ZNRF2: variants seen among roughly 807,000 people sequenced by gnomAD.
ZNRF2 encodes the protein zinc and ring finger 2.
Under a neutral mutation model 20.4 loss-of-function variants are expected in ZNRF2, and 16 were observed. That is an observed-to-expected ratio of 0.79 (90% CI 0.53 to 1.19). The LOEUF is 1.19. Among genes scored for constraint, ZNRF2 ranks in the 50% most tolerant of loss-of-function variants. ZNRF2 has a pLI of 0.00. For synonymous variants in ZNRF2, 178 were observed against 144.9 expected (o/e 1.23, Z -1.64); for missense variants, 363 against 332.4 (o/e 1.09, Z -0.72).
At chr7:30,328,025 G>T (rs1427439314) in intron 2 of ZNRF2, among the ~76,000 whole-genome samples, 1 of 152,180 alleles carries the variant, frequency 6.6e-6, no homozygotes, top group African/African-American at 2.4e-5. Flanking sequence ...AGTAAGTGAA[G>T]GAGAAAGGAG....
In ZNRF2 at chr7:30,285,448, G is replaced by A; in HGVS notation, c.91G>A (p.Ala31Thr). 6.0e-6 allele frequency: 7 copies of A among 1,171,384 alleles called. No individual in the cohort carries two copies. The South Asian group carries it at 8.0e-5, about 13-fold the overall frequency. 72.6% of individuals were successfully genotyped at this position (1,171,384 alleles called of 1,614,324 possible). A position where few individuals can be genotyped will look rare whatever the true frequency, so the allele number is the denominator to read the frequency against. The change falls in exon 1 of 5, where the codon GCC (alanine) becomes ACC (threonine). Residue 31 changes from alanine (A) to threonine (T), a missense_variant. Ala to Thr is a moderately conservative substitution (Grantham distance 58). Transcript: ENST00000323037. Reference sequence around the variant, plus strand: ...TCTACCTTCCAGTAGCAGCGGAGGCGCCAATGGGACCGCGGGCGGCGGCGG... The same window carrying A: ...TCTACCTTCCAGTAGCAGCGGAGGCACCAATGGGACCGCGGGCGGCGGCGG... ...SDLPSSSSGG[A>T]NGTAGGGGGA...
intron 2 of ZNRF2, among the ~76,000 whole-genome samples, chr7:30,341,275 T>C (rs978137988): frequency 6.6e-6 from 1 of 152,184 alleles, no homozygotes; most frequent in East Asian, 1.9e-4. Flanking sequence ...TGTCTTCTGC[T>C]AGCTTTTGAA....
intron 1 of ZNRF2, among the ~76,000 whole-genome samples, chr7:30,298,993 T>C (rs2391860): frequency 1.3e-5 from 2 of 152,250 alleles, no homozygotes; most frequent in South Asian, 2.1e-4. Flanking sequence ...TTTTTATAGG[T>C]GTATTCCCTT....
rs143976678 is a variant in ZNRF2, at chr7:30,302,956, G to T, written c.469+17130G>T. 3.2e-4 allele frequency among the ~76,000 whole-genome samples: 48 copies of T among 152,292 alleles called. 2 individuals carry two copies. The East Asian group carries it at 9.3e-3, about 29-fold the overall frequency. On this transcript the variant is annotated intron_variant, in intron 1 of 4. Transcript: ENST00000323037. The stretch of plus-strand genomic sequence containing the variant: ...CTGGAAGGAAGACTTCAGTAACGGA[G>T]CAAGTTTGTAACCTATTAAAGTTCT...
At chr7:30,304,624 G>A (rs906131703) in intron 1 of ZNRF2, among the ~76,000 whole-genome samples, 2 of 152,178 alleles carry the variant, frequency 1.3e-5, no homozygotes, top group Admixed American at 6.6e-5. Context: ...TAAAACTACC[G>A]AAAAGTATGA....
intron 2 of ZNRF2, among the ~76,000 whole-genome samples, chr7:30,326,825 G>T (rs189296246): frequency 2.0e-5 from 3 of 151,634 alleles, no homozygotes; most frequent in Non-Finnish European, 2.9e-5. Flanking sequence ...TTAATAATAC[G>T]CATTCTGACG....
chr7:30,318,471 A>G (rs1013894844), intron 1 of ZNRF2, among the ~76,000 whole-genome samples: 2 of 152,214 alleles, frequency 1.3e-5, no homozygotes, highest in African/African-American at 2.4e-5. Flanking sequence ...TAGGGCCTTC[A>G]TCTTCTGTCA....
intron 1 of ZNRF2, among the ~76,000 whole-genome samples, chr7:30,296,540 C>G (rs148707872): frequency 0.03 from 4,556 of 152,250 alleles, 172 homozygotes; most frequent in African/African-American, 0.089. Flanking sequence ...CAATTCACTG[C>G]TTTGCTGGTG....
At chr7:30,361,010 A>G (rs551308865) in intron 3 of ZNRF2, among the ~76,000 whole-genome samples, 84 of 152,322 alleles carry the variant, frequency 5.5e-4, no homozygotes, top group African/African-American at 1.9e-3. Context: ...AGATTGACAG[A>G]CGTTTATGTG....
intron 1 of ZNRF2, among the ~76,000 whole-genome samples, chr7:30,304,364 A>G (rs141763890): frequency 1.5e-4 from 23 of 152,346 alleles, no homozygotes; most frequent in African/African-American, 5.5e-4. Context: ...ATTGCTTTCT[A>G]GGGAAATGCA....
At chr7:30,350,478 A>T (rs997100049) in intron 2 of ZNRF2, among the ~76,000 whole-genome samples, 1 of 152,038 alleles carries the variant, frequency 6.6e-6, no homozygotes, top group African/African-American at 2.4e-5. Flanking sequence ...CCAGATTAAT[A>T]AACGTTATTC....
At chr7:30,324,761 A>G (rs1192845995) in intron 2 of ZNRF2, among the ~76,000 whole-genome samples, 1 of 152,196 alleles carries the variant, frequency 6.6e-6, no homozygotes, top group Non-Finnish European at 1.5e-5. Flanking sequence ...AATGTTCATA[A>G]TGGCCATTTT....
chr7:30,287,259 A>C (rs1329502013), intron 1 of ZNRF2, among the ~76,000 whole-genome samples: 1 of 152,246 alleles, frequency 6.6e-6, no homozygotes, highest in African/African-American at 2.4e-5. Context: ...AGAATATAAA[A>C]GGCAGTTTCT....
At chr7:30,351,102 A>C in intron 2 of ZNRF2, among the ~76,000 whole-genome samples, 1 of 151,444 alleles carries the variant, frequency 6.6e-6, no homozygotes, top group South Asian at 2.1e-4. Flanking sequence ...GGACCTGCTA[A>C]GTATTTTAAT....
At chr7:30,357,234 A>T (rs995441457) in intron 3 of ZNRF2, among the ~76,000 whole-genome samples, 4 of 152,220 alleles carry the variant, frequency 2.6e-5, no homozygotes, top group Non-Finnish European at 4.4e-5. Flanking sequence ...CACATGAAGT[A>T]TTATAGAAAT....
At chr7:30,300,597 A>G (rs1420679011) in intron 1 of ZNRF2, among the ~76,000 whole-genome samples, 1 of 152,212 alleles carries the variant, frequency 6.6e-6, no homozygotes, top group African/African-American at 2.4e-5. Context: ...TTTGGATGAT[A>G]TTAAGTGTTT....
intron 3 of ZNRF2, among the ~76,000 whole-genome samples, chr7:30,356,338 G>A (rs946839834): frequency 4.0e-5 from 6 of 151,580 alleles, no homozygotes; most frequent in Admixed American, 6.6e-5. Flanking sequence ...CTTTCAACCT[G>A]ATGAAAATAC....
rs186025939 is a variant in ZNRF2, at chr7:30,311,847, A to G, written c.470-11795A>G. Among the ~76,000 whole-genome samples, 4 of 152,280 alleles carry G rather than the reference A, an allele frequency of 2.6e-5. No homozygotes were observed. The East Asian group carries it at 7.7e-4, about 29-fold the overall frequency. On this transcript the variant is annotated intron_variant, in intron 1 of 4. Coordinates refer to ENST00000323037, the MANE Select transcript of ZNRF2 (RefSeq NM_147128.4). ...GTTACTGATTACAGTCAGGTGCCCA[A>G]CTGCTATACTTTAAATTAGATTTTA... is the stretch of plus-strand genomic sequence containing the variant.
intron 1 of ZNRF2, among the ~76,000 whole-genome samples, chr7:30,321,350 G>A (rs1289553936): frequency 6.6e-6 from 1 of 151,914 alleles, no homozygotes; most frequent in African/African-American, 2.4e-5. Flanking sequence ...GCTTACTTGT[G>A]CAGACACTCA....
Sources: gnomAD v4.1 joint callset for allele counts (sites outside exome capture counted in the v4.1 genomes callset) on GRCh38, gnomAD v4.1.1 for gene constraint, MANE v1.5 for transcripts, NCBI Gene and HGNC (gene_info 2026-07-23, HGNC 2026-07-21) for gene names.